The following COL6A5 variants were observed in gnomAD, a reference collection of about 807,000 sequenced individuals.
COL6A5 encodes the protein collagen type VI alpha 5 chain.
Under a neutral mutation model 65.6 loss-of-function variants are expected in COL6A5, and 48 were observed. The ratio of observed to expected loss-of-function variants is 0.73; its 90% CI spans 0.58 to 0.93. The LOEUF (loss-of-function observed/expected upper bound fraction) is 0.93, where lower values mean the gene tolerates loss of function less well. COL6A5 is among the 40% of genes least tolerant of loss of function. The pLI is 0.00. For synonymous variants in COL6A5, 291 were observed against 322.8 expected (o/e 0.90, Z 1.05); for missense variants, 914 against 928.3 (o/e 0.98, Z 0.20).
exon 1 of COL6A5, chr3:130,431,577 C>A (rs1412124525): frequency 1.3e-6 from 2 of 1,551,554 alleles, no homozygotes; most frequent in East Asian, 4.9e-5. Flanking sequence ...TTGTCAATGA[C>A]CTTAACATCA....
At chr3:130,446,425 G>A (rs1280779089) in intron 4 of COL6A5, among the ~76,000 whole-genome samples, 1 of 152,180 alleles carries the variant, frequency 6.6e-6, no homozygotes, top group Non-Finnish European at 1.5e-5. Context: ...GTGAGATTCA[G>A]TGCTGAAGGA....
At chr3:130,407,436 T>C (rs1346266687) in intron 17 of COL6A5, among the ~76,000 whole-genome samples, 4 of 152,206 alleles carry the variant, frequency 2.6e-5, no homozygotes, top group African/African-American at 4.8e-5. Flanking sequence ...CTTGCAGTAA[T>C]GTGGACGATA....
exon 6 of COL6A5, chr3:130,388,744 A>G: frequency 1.3e-6 from 2 of 1,551,412 alleles, no homozygotes. Context: ...CAGTGATAAA[A>G]CTAAGGAAGA....
chr3:130,461,138 A>T (rs915505244), intron 5 of COL6A5, among the ~76,000 whole-genome samples: 2 of 152,084 alleles, frequency 1.3e-5, no homozygotes, highest in African/African-American at 2.4e-5. Flanking sequence ...AGGGAGATTT[A>T]AAAAAAGACT....
Position 130,400,915 on chromosome 3 carries a change from G to GT in COL6A5, c.3992-109dup, listed in dbSNP as rs1936791780. On this transcript the variant is annotated intron_variant and NMD_transcript_variant, in intron 10 of 41. Coordinates refer to the COL6A5 transcript ENST00000312481. ...AGGAGTACTCCTTCCTCTTATGTTTGTTTTTTTCCCCTTTTCAATTCTTTA... is the reference window on the plus strand; with the variant it reads ...AGGAGTACTCCTTCCTCTTATGTTTGTTTTTTTTCCCCTTTTCAATTCTTTA... 1.9e-5 allele frequency: 16 copies of GT among 860,946 alleles called. No individual in the cohort carries two copies. In the Admixed American group the frequency reaches 2.5e-4, roughly 13 times the overall value. The allele number at this position is 860,946 out of a possible 1,614,324, so 53.3% of individuals were successfully genotyped here.
intron 18 of COL6A5, 75 bp from the exon 19 acceptor site, chr3:130,409,934 C>A: frequency 9.5e-7 from 1 of 1,047,282 alleles, no homozygotes; most frequent in Non-Finnish European, 1.4e-6. Flanking sequence ...TAGCTTAGTA[C>A]TTGAACATCA....
At chr3:130,398,275 C>G (rs931685817) in intron 10 of COL6A5, among the ~76,000 whole-genome samples, 164 bp downstream of exon 10, 1 of 151,824 alleles carries the variant, frequency 6.6e-6, no homozygotes, top group Non-Finnish European at 1.5e-5. Flanking sequence ...GGACTACAGG[C>G]GCCCACCACC....
chr3:130,397,397 A>G (rs1936639347), intron 8 of COL6A5, among the ~76,000 whole-genome samples, 186 bp from the exon 9 acceptor site: 1 of 151,998 alleles, frequency 6.6e-6, no homozygotes, highest in Admixed American at 6.6e-5. Flanking sequence ...ATATGTGTAT[A>G]TGTATATATA....
chr3:130,419,526 A>G (rs1221616812), intron 25 of COL6A5, among the ~76,000 whole-genome samples: 4 of 152,202 alleles, frequency 2.6e-5, no homozygotes, highest in African/African-American at 7.2e-5. Flanking sequence ...GTATCCATCA[A>G]TGGATGAATG....
exon 1 of COL6A5, chr3:130,431,914 G>C: frequency 6.4e-7 from 1 of 1,550,868 alleles, no homozygotes; most frequent in South Asian, 1.2e-5. Context: ...AACAGTCTTT[G>C]CTTTTGATGA....
At chr3:130,439,691 T>C (rs1012291227) in intron 2 of COL6A5, 76 bp downstream of exon 34, 1 of 970,150 alleles carries the variant, frequency 1.0e-6, no homozygotes, top group Admixed American at 2.8e-5. Flanking sequence ...TGTGGTTTTA[T>C]CCAGAGATTT....
chr3:130,471,876 AT>A (rs11355796), intron 7 of COL6A5: 1,131,264 of 1,533,732 alleles, frequency 0.74, 431,319 homozygotes, highest in Non-Finnish European at 0.79. Flanking sequence ...GAAAAAGCAC[AT>A]TTAGAAGAAA....
intron 7 of COL6A5, chr3:130,476,966 C>T (rs560453012): frequency 2.4e-6 from 2 of 825,032 alleles, no homozygotes; most frequent in Admixed American, 2.0e-5. Flanking sequence ...AAAATATCAG[C>T]TTGTCTTTTT....
chr3:130,376,196 G>A, intron 2 of COL6A5, 41 bp from the exon 3 acceptor site: 3 of 1,530,290 alleles, frequency 2.0e-6, no homozygotes, highest in Non-Finnish European at 2.6e-6. Context: ...TACAAAGGTT[G>A]AATGATAACT....
At chr3:130,374,022 A>T (rs1935667361) in intron 2 of COL6A5, among the ~76,000 whole-genome samples, 1 of 152,224 alleles carries the variant, frequency 6.6e-6, no homozygotes. Flanking sequence ...CATAAATGAA[A>T]GAAAAGGAAC....
At chr3:130,420,445 T>C (rs951845289) in intron 25 of COL6A5, among the ~76,000 whole-genome samples, 1 of 152,174 alleles carries the variant, frequency 6.6e-6, no homozygotes, top group Non-Finnish European at 1.5e-5. Context: ...GTTATTTAGC[T>C]TGCTTTCAGT....
At chr3:130,448,765 G>A (rs1045451414) in intron 4 of COL6A5, among the ~76,000 whole-genome samples, 3 of 152,206 alleles carry the variant, frequency 2.0e-5, no homozygotes, top group African/African-American at 7.2e-5. Context: ...AGGCTATTTA[G>A]CATTCCCTGA....
upstream of COL6A5, among the ~76,000 whole-genome samples, chr3:130,430,561 G>T (rs1354350748): frequency 6.6e-6 from 1 of 152,208 alleles, no homozygotes; most frequent in Non-Finnish European, 1.5e-5. Flanking sequence ...ATTGAAAAGT[G>T]AGGTTTGATA....
At chr3:130,365,734 A>G (rs1313494045) in intron 1 of COL6A5, among the ~76,000 whole-genome samples, 1 of 152,196 alleles carries the variant, frequency 6.6e-6, no homozygotes, top group African/African-American at 2.4e-5. Context: ...TACACCATTC[A>G]GGATGGCCTA....
Sources: allele counts gnomAD v4.1 joint callset (sites outside exome capture counted in the v4.1 genomes callset), GRCh38; gene constraint gnomAD v4.1.1; transcripts MANE v1.5; gene names NCBI Gene and HGNC (gene_info 2026-07-23, HGNC 2026-07-21).